Variants in SPATA16 observed in about 807,000 individuals in gnomAD.
SPATA16 encodes the protein spermatogenesis-associated protein 16.
In SPATA16, 36 loss-of-function variants were observed where a neutral mutation model predicts 63.3. The ratio of observed to expected loss-of-function variants is 0.57; its 90% CI spans 0.44 to 0.75. The LOEUF is 0.75. Ranked by LOEUF, SPATA16 falls within the 30% of genes least tolerant of loss-of-function variation. SPATA16 has a pLI of 0.00. For synonymous variants in SPATA16, 203 were observed against 216.7 expected (o/e 0.94, Z 0.56); for missense variants, 646 against 679.3 (o/e 0.95, Z 0.54).
In SPATA16 at chr3:173,117,726, A is replaced by G. The variant is rs1237919628; in HGVS notation, c.6T>C (p.Asp2=). 1 of 1,614,124 alleles carries G rather than the reference A, an allele frequency of 6.2e-7. No individual in the cohort carries two copies. The highest frequency in any genetic ancestry group is 8.5e-7 in the Non-Finnish European group (1 of 1,179,982). The part of the protein sequence containing the change: M[D]AGSSRSLENA... ...TCTCCAAACTCCTACTGCTTCCTGC[A>G]TCCATCGATCCTGCCCAAAACTCCT... is the stretch of plus-strand genomic sequence containing the variant. Residue 2 remains aspartate (D), a synonymous_variant, in exon 2 of 11, where the codon GAT becomes GAC. Transcript: ENST00000351008.
At chr3:173,061,604 G>A (rs1048720073) in intron 2 of SPATA16, among the ~76,000 whole-genome samples, 3 of 152,118 alleles carry the variant, frequency 2.0e-5, no homozygotes, top group Admixed American at 2.0e-4. Flanking sequence ...AAGACATCAA[G>A]GGTATTGCAA....
intron 2 of SPATA16, among the ~76,000 whole-genome samples, chr3:173,089,275 T>C (rs1737161674): frequency 6.6e-6 from 1 of 152,216 alleles, no homozygotes; most frequent in Non-Finnish European, 1.5e-5. Flanking sequence ...GAAACACTGA[T>C]GTGAAGACAT....
intron 2 of SPATA16, among the ~76,000 whole-genome samples, chr3:173,074,225 C>T (rs1235291074): frequency 6.6e-6 from 1 of 152,134 alleles, no homozygotes; most frequent in Non-Finnish European, 1.5e-5. Context: ...TGAGTTAATA[C>T]TGAAATGAGT....
At chr3:172,948,493 G>A (rs2109614413) in intron 6 of SPATA16, among the ~76,000 whole-genome samples, 1 of 151,832 alleles carries the variant, frequency 6.6e-6, no homozygotes, top group South Asian at 2.1e-4. Context: ...TTTGAGACAG[G>A]GTCTTGCTCT....
At chr3:173,061,283 C>T (rs1385156199) in intron 2 of SPATA16, among the ~76,000 whole-genome samples, 9 of 152,178 alleles carry the variant, frequency 5.9e-5, no homozygotes, top group African/African-American at 1.9e-4. Context: ...GATATAAGTC[C>T]TTGAGCAGAA....
intron 2 of SPATA16, among the ~76,000 whole-genome samples, chr3:173,059,292 CTT>C (rs1164576792): frequency 3.4e-5 from 5 of 148,730 alleles, no homozygotes; most frequent in South Asian, 2.1e-4. Flanking sequence ...TTTCTTTCCT[CTT>C]TTGATTTCCT....
At chr3:173,075,324 T>G (rs146159037) in intron 2 of SPATA16, among the ~76,000 whole-genome samples, 1 of 152,284 alleles carries the variant, frequency 6.6e-6, no homozygotes. Flanking sequence ...TTGTACACAG[T>G]TGGTGAGAAT....
chr3:173,123,812 C>T (rs976653802), intron 1 of SPATA16, among the ~76,000 whole-genome samples: 1 of 152,014 alleles, frequency 6.6e-6, no homozygotes, highest in Non-Finnish European at 1.5e-5. Context: ...CCATGTTAGC[C>T]AGGCTGATCT....
intron 4 of SPATA16, among the ~76,000 whole-genome samples, chr3:172,989,290 A>T (rs1158949505): frequency 6.6e-6 from 1 of 152,166 alleles, no homozygotes; most frequent in Non-Finnish European, 1.5e-5. Flanking sequence ...ACATCAAAAC[A>T]TATTCTGGCT....
intron 2 of SPATA16, among the ~76,000 whole-genome samples, chr3:173,050,613 T>C (rs190005989): frequency 1.5e-3 from 230 of 152,056 alleles, no homozygotes; most frequent in African/African-American, 5.2e-3. Context: ...TAATAAATAT[T>C]TAGATATTTA....
At chr3:173,124,620 C>G (rs570686637) in intron 1 of SPATA16, among the ~76,000 whole-genome samples, 1 of 152,178 alleles carries the variant, frequency 6.6e-6, no homozygotes, top group Non-Finnish European at 1.5e-5. Context: ...ACAACAACAA[C>G]AAAAAACTCC....
rs769332812 is a variant in SPATA16 at position 172,916,474 on chromosome 3, A to G, written c.1346T>C (p.Phe449Ser). 35 of 1,613,524 alleles carry G rather than the reference A, an allele frequency of 2.2e-5. No individual in the cohort carries two copies. The highest frequency in any genetic ancestry group is 2.9e-5 in the Non-Finnish European group (34 of 1,179,640). The change falls in exon 9 of 11, where the codon TTT (phenylalanine) becomes TCT (serine). Residue 449 changes from phenylalanine to serine, a missense_variant. Coordinates refer to ENST00000351008, the MANE Select transcript of SPATA16 (RefSeq NM_031955.6). The part of the protein sequence containing the change: ...FIRSTQLNGS[F>S]PASSGVMEKL... ...CTCCATCACACCTGAGGATGCAGGA[A>G]AACTCCCCTAGTCTCAAAGTAAAAG...
chr3:172,968,523 G>A (rs374124334), intron 5 of SPATA16, among the ~76,000 whole-genome samples: 26 of 152,290 alleles, frequency 1.7e-4, no homozygotes, highest in African/African-American at 6.0e-4. Context: ...TTGACAGTCC[G>A]TCTAAATCAA....
At chr3:173,139,641 T>G (rs1469379522) in intron 1 of SPATA16, among the ~76,000 whole-genome samples, 1 of 152,178 alleles carries the variant, frequency 6.6e-6, no homozygotes, top group Non-Finnish European at 1.5e-5. Flanking sequence ...AAACACAACA[T>G]GCAGTGAAAT....
chr3:172,938,534 A>G (rs550754173), intron 6 of SPATA16, among the ~76,000 whole-genome samples: 8 of 152,308 alleles, frequency 5.3e-5, no homozygotes, highest in Admixed American at 3.3e-4. Flanking sequence ...AAGCGCCTCT[A>G]ACAAGTTCTA....
chr3:173,005,223 C>G (rs920767604), intron 4 of SPATA16, among the ~76,000 whole-genome samples: 1 of 149,978 alleles, frequency 6.7e-6, no homozygotes, highest in Non-Finnish European at 1.5e-5. Context: ...ACTTGGGAGG[C>G]TGAGGCAGGG....
rs187594164 is a variant in SPATA16 at position 173,113,243 on chromosome 3, C to T, written c.612+3877G>A. On this transcript the variant is annotated intron_variant, in intron 2 of 10. Transcript: ENST00000351008. ...TTTAAAAAATTGCAGGGAATAGTAT[C>T]TAGGCATGACAATATAAAATAATAT... is the stretch of plus-strand genomic sequence containing the variant. Among the ~76,000 whole-genome samples, 583 of 152,242 alleles carry T rather than the reference C, an allele frequency of 3.8e-3. 3 individuals carry two copies. Among genetic ancestry groups the T allele is most frequent in the Admixed American group, 0.011 (171 of 15,286 alleles).
intron 2 of SPATA16, among the ~76,000 whole-genome samples, chr3:173,072,825 C>T (rs1490260758): frequency 1.3e-5 from 2 of 152,178 alleles, no homozygotes; most frequent in African/African-American, 4.8e-5. Flanking sequence ...TACTGGTTAA[C>T]AGTCAGGGAT....
intron 2 of SPATA16, among the ~76,000 whole-genome samples, chr3:173,095,781 C>T (rs576991269): frequency 3.9e-5 from 6 of 152,040 alleles, no homozygotes; most frequent in African/African-American, 1.2e-4. Flanking sequence ...AACATTCACC[C>T]GGAATTAATA....
Sources: allele counts gnomAD v4.1 joint callset (sites outside exome capture counted in the v4.1 genomes callset), GRCh38; gene constraint gnomAD v4.1.1; transcripts MANE v1.5; gene names NCBI Gene and HGNC (gene_info 2026-07-23, HGNC 2026-07-21).